The following FSIP2 variants were observed in gnomAD, a reference collection of about 807,000 sequenced individuals.
FSIP2 encodes the protein fibrous sheath-interacting protein 2.
A neutral mutation model predicts 510.5 loss-of-function variants in FSIP2; 367 were observed. The observed-to-expected ratio is 0.72, with a 90% confidence interval of 0.66 to 0.78. The LOEUF is 0.78. Among genes scored for constraint, FSIP2 ranks in the 30% least tolerant of loss-of-function variants. The pLI is 0.00. For synonymous variants in FSIP2, 2,601 were observed against 2,732.2 expected, an observed-to-expected ratio of 0.95 and a Z score of 1.50; for missense variants, 7,594 against 7,901.7, an observed-to-expected ratio of 0.96 and a Z score of 1.48.
At position 185,795,816 on chromosome 2, in the gene FSIP2, A is replaced by G. The variant is rs1289132231; in HGVS notation, c.8680A>G (p.Arg2894Gly). Reference protein sequence around the residue: ...NLPPLENCESRFYNHFKGAST... With the variant: ...NLPPLENCESGFYNHFKGAST... ...GCCCCCTCTTGAGAATTGTGAAAGC[A>G]GGTTTTATAATCATTTTAAAGGAGC... The change falls in exon 16 of 23, where the codon AGG becomes GGG. Residue 2894 changes from arginine to glycine, a missense_variant. Transcript: ENST00000424728. The G allele has an allele frequency of 6.5e-7, 1 of 1,533,818 alleles. No individual in the cohort carries two copies. The highest frequency in any genetic ancestry group is 8.7e-7 in the Non-Finnish European group (1 of 1,145,286).
chr2:185,753,918 T>A, intron 8 of FSIP2, 76 bp downstream of exon 8: 1 of 974,982 alleles, frequency 1.0e-6, no homozygotes, highest in Non-Finnish European at 1.4e-6. Context: ...TGTGTAATAC[T>A]CTGTGTATTT....
intron 4 of FSIP2, chr2:185,745,191 C>A (rs1289316408): frequency 3.7e-6 from 1 of 273,726 alleles, no homozygotes; most frequent in East Asian, 6.9e-5. Context: ...CTACTTCCTG[C>A]ATATTTTTAT....
At chr2:185,760,943 TAAAA>T in intron 9 of FSIP2, 41 bp from the exon 10 acceptor site, 11 of 620,540 alleles carry the variant, frequency 1.8e-5, no homozygotes, top group South Asian at 7.9e-5. Context: ...CTAAAGCTGT[TAAAA>T]AAAAAAAAAA....
chr2:185,786,309 C>A, intron 15 of FSIP2, 21 bp downstream of exon 15: 2 of 1,495,312 alleles, frequency 1.3e-6, no homozygotes, highest in Non-Finnish European at 1.8e-6. Context: ...TAAAATCCAC[C>A]GAGAAAGCAA....
intron 20 of FSIP2, among the ~76,000 whole-genome samples, chr2:185,825,988 A>G (rs1337499565): frequency 6.6e-6 from 1 of 151,860 alleles, no homozygotes; most frequent in East Asian, 1.9e-4. Context: ...ACTGTACTTT[A>G]TCTATGTTAA....
intron 13 of FSIP2, among the ~76,000 whole-genome samples, chr2:185,776,704 AGTCTATTTTCT>A (rs895505021): frequency 8.5e-5 from 13 of 152,144 alleles, no homozygotes; most frequent in Admixed American, 2.0e-4. Flanking sequence ...ATACAAAATA[AGTCTATTTTCT>A]GTCTGAGGGA....
chr2:185,775,186 A>G (rs1192114108), intron 13 of FSIP2, among the ~76,000 whole-genome samples: 1 of 143,170 alleles, frequency 7.0e-6, no homozygotes, highest in East Asian at 2.1e-4. Flanking sequence ...GAACTAGTTT[A>G]CAGTCCCACC....
intron 13 of FSIP2, among the ~76,000 whole-genome samples, chr2:185,769,703 A>G (rs1205630805): frequency 6.6e-6 from 1 of 152,184 alleles, no homozygotes. Flanking sequence ...GTCAGTTCCT[A>G]TGTCCTGAAT....
rs1406608198 is a variant in FSIP2 at position 185,793,336 on chromosome 2, A to G, written c.6200A>G (p.Asp2067Gly). The G allele has an allele frequency of 6.5e-7, 1 of 1,534,220 alleles. No individual in the cohort carries two copies. The highest frequency in any genetic ancestry group is 2.0e-5 in the Admixed American group (1 of 50,878). ...KNSSDKEIDL[D>G]QQKGVIEKLL... Reference sequence around the variant, plus strand: ...AGTTCTGACAAAGAGATCGATTTAGATCAGCAAAAAGGTGTTATTGAAAAG... The same window carrying G: ...AGTTCTGACAAAGAGATCGATTTAGGTCAGCAAAAAGGTGTTATTGAAAAG... The change falls in exon 16 of 23, where the codon GAT (aspartate) becomes GGT (glycine). Residue 2067 changes from aspartate (D) to glycine (G), a missense_variant. By Grantham distance (94) the Asp-to-Gly change is moderately conservative (BLOSUM62 -1). Coordinates refer to ENST00000424728, the MANE Select transcript of FSIP2 (RefSeq NM_173651.4).
chr2:185,749,483 A>C (rs1481124513), intron 7 of FSIP2, among the ~76,000 whole-genome samples: 1 of 151,956 alleles, frequency 6.6e-6, no homozygotes, highest in African/African-American at 2.4e-5. Flanking sequence ...TGATTTATTT[A>C]TATTCATCTT....
At chr2:185,798,052 T>C (rs1473724814) in intron 16 of FSIP2, among the ~76,000 whole-genome samples, 1 of 151,854 alleles carries the variant, frequency 6.6e-6, no homozygotes, top group Non-Finnish European at 1.5e-5. Flanking sequence ...TTTTCAGGAT[T>C]TGAATTTGAA....
intron 13 of FSIP2, among the ~76,000 whole-genome samples, chr2:185,773,784 G>A (rs1574168988): frequency 6.6e-6 from 1 of 151,996 alleles, no homozygotes; most frequent in Non-Finnish European, 1.5e-5. Context: ...ATTTTTCCTA[G>A]CTATATCTCT....
At chr2:185,782,809 T>G (rs756518765) in intron 14 of FSIP2, 47 bp downstream of exon 14, 2 of 947,466 alleles carry the variant, frequency 2.1e-6, no homozygotes, top group Non-Finnish European at 3.3e-6. Context: ...TTTTAATGAT[T>G]ACATAAGAGT....
At chr2:185,830,404 C>T (rs145066078) in intron 21 of FSIP2, among the ~76,000 whole-genome samples, 49 of 151,946 alleles carry the variant, frequency 3.2e-4, no homozygotes, top group African/African-American at 9.9e-4. Flanking sequence ...CAAACAGATA[C>T]ATGTTTTCAC....
chr2:185,793,959 C>T lies in FSIP2; in HGVS notation c.6823C>T (p.Leu2275Phe). The change falls in exon 16 of 23, where the codon CTT (leucine) becomes TTT (phenylalanine). Residue 2275 changes from leucine to phenylalanine, a missense_variant. Transcript: ENST00000424728. ...ATERIDSLIT[L>F]AFQSKEKSFV... ...AGAAAGAATAGATTCATTAATTACC[C>T]TTGCTTTCCAAAGTAAAGAAAAGTC... 2 of 1,527,942 alleles carry T rather than the reference C, an allele frequency of 1.3e-6. No individual in the cohort carries two copies. Among genetic ancestry groups the T allele is most frequent in the Non-Finnish European group, 1.7e-6 (2 of 1,142,920 alleles). The allele number at this position is 1,527,942 out of a possible 1,614,324, so 94.6% of individuals were successfully genotyped here.
chr2:185,782,817 A>T lies in FSIP2; in HGVS notation c.1469+55A>T, dbSNP rs757407714. The stretch of plus-strand genomic sequence containing the variant: ...TAACTAATTTTAATGATTACATAAG[A>T]GTGCTGCTCATAAGCAAATGATTCC... On this transcript the variant is annotated intron_variant, in intron 14 of 22. Transcript: ENST00000424728. 963 of 898,702 alleles carry T rather than the reference A, an allele frequency of 1.1e-3. 4 individuals are homozygous for T. The highest frequency in any genetic ancestry group is 1.5e-3 in the Non-Finnish European group (839 of 569,768). 55.7% of individuals were successfully genotyped at this position (898,702 alleles called of 1,614,324 possible). A position where few individuals can be genotyped will look rare whatever the true frequency, so the allele number is the denominator to read the frequency against.
intron 13 of FSIP2, among the ~76,000 whole-genome samples, chr2:185,767,069 C>CA (rs1360844811): frequency 7.9e-6 from 1 of 126,600 alleles, no homozygotes; most frequent in African/African-American, 3.0e-5. Context: ...ATCGCAAGAA[C>CA]AAAAAACCAA....
chr2:185,754,943 AAT>A (rs1193009945), intron 8 of FSIP2, among the ~76,000 whole-genome samples: 2 of 151,572 alleles, frequency 1.3e-5, no homozygotes, highest in Non-Finnish European at 3.0e-5. Flanking sequence ...GTAAGAACTT[AAT>A]TTATTTTGTT....
chr2:185,763,838 A>T (rs1055633004), intron 12 of FSIP2, among the ~76,000 whole-genome samples: 2 of 151,644 alleles, frequency 1.3e-5, no homozygotes, highest in Non-Finnish European at 3.0e-5. Context: ...ATCATTTTCC[A>T]TGTCCTAGAA....
Sources: gnomAD v4.1 joint callset for allele counts (sites outside exome capture counted in the v4.1 genomes callset) on GRCh38, gnomAD v4.1.1 for gene constraint, MANE v1.5 for transcripts, NCBI Gene and HGNC (gene_info 2026-07-23, HGNC 2026-07-21) for gene names.